The following DOCK6 variants were observed in gnomAD, a reference collection of about 807,000 sequenced individuals.
DOCK6 encodes dedicator of cytokinesis protein 6.
DOCK6 carries 167 observed loss-of-function variants against 230.3 expected under a neutral mutation model. The observed-to-expected ratio is 0.73, with a 90% CI of 0.64 to 0.82. The LOEUF is 0.82. Among genes scored for constraint, DOCK6 ranks in the 40% least tolerant of loss-of-function variants. The pLI is 0.00. For synonymous variants in DOCK6, 1,148 were observed against 1,185.0 expected, an observed-to-expected ratio of 0.97 and a Z score of 0.64; for missense variants, 2,598 against 2,825.8, an observed-to-expected ratio of 0.92 and a Z score of 1.83.
chr19:11,206,802 G>T (rs1039157389), intron 39 of DOCK6, among the ~76,000 whole-genome samples: 2 of 150,640 alleles, frequency 1.3e-5, no homozygotes, highest in Non-Finnish European at 2.9e-5. Context: ...GTACTTGTGG[G>T]AGTGGTGGGA....
intron 33 of DOCK6, 56 bp downstream of exon 33, chr19:11,214,497 C>T (rs2079446855): frequency 1.2e-6 from 2 of 1,613,398 alleles, no homozygotes; most frequent in Non-Finnish European, 8.5e-7. Context: ...AGTCAGAGAC[C>T]ACAGGGCACT....
chr19:11,201,975 C>T lies in DOCK6; in HGVS notation c.5602G>A (p.Glu1868Lys), dbSNP rs201873244. The change falls in exon 44 of 48, where the codon GAG (glutamate) becomes AAG (lysine). Residue 1868 changes from glutamate to lysine, a missense_variant. Transcript: ENST00000294618. The surrounding 1 kb of genome is among the most constrained non-coding windows in gnomAD (Gnocchi z 4.3). The part of the protein sequence containing the change: ...PDGRAHGELP[E>K]QHKRKTLLST... ...AGCAGCGTCTTACGCTTGTGTTGCT[C>T]GGGCAGCTCCCCGTGTGCGCGCCCA... is the stretch of plus-strand genomic sequence containing the variant. 71 of 1,613,590 alleles carry T rather than the reference C, an allele frequency of 4.4e-5. No individual in the cohort carries two copies. The highest frequency in any genetic ancestry group is 2.5e-4 in the South Asian group (23 of 91,042).
intron 9 of DOCK6, 134 bp from the exon 10 acceptor site, chr19:11,244,016 T>G: frequency 1.1e-6 from 1 of 906,644 alleles, no homozygotes; most frequent in Non-Finnish European, 1.7e-6. Context: ...CTCCAACACC[T>G]CCCATGGCTC....
chr19:11,239,793 GT>G (rs1245822175), intron 14 of DOCK6: 1 of 1,609,094 alleles, frequency 6.2e-7, no homozygotes, highest in Non-Finnish European at 8.5e-7. Flanking sequence ...TCAACGGTGT[GT>G]ACAGGACCAC....
intron 24 of DOCK6, 101 bp from the exon 25 acceptor site, chr19:11,223,207 C>G (rs1299256778): frequency 9.4e-7 from 1 of 1,062,436 alleles, no homozygotes; most frequent in African/African-American, 1.6e-5. Context: ...AGCTGTATCA[C>G]TGCCCCAAAG....
intron 39 of DOCK6, among the ~76,000 whole-genome samples, chr19:11,206,888 G>A (rs1485746014): frequency 6.6e-6 from 1 of 151,606 alleles, no homozygotes; most frequent in Non-Finnish European, 1.5e-5. Context: ...CTGTCTGTCA[G>A]GCTGGAGTGC....
intron 13 of DOCK6, 119 bp from the exon 14 acceptor site, chr19:11,242,326 G>T: frequency 9.0e-7 from 1 of 1,110,202 alleles, no homozygotes; most frequent in Non-Finnish European, 1.2e-6. Context: ...TGGGGGCTGT[G>T]TCCCTCAGGC....
intron 1 of DOCK6, among the ~76,000 whole-genome samples, chr19:11,259,764 G>A (rs1344371628): frequency 6.6e-6 from 1 of 150,920 alleles, no homozygotes; most frequent in Non-Finnish European, 1.5e-5. Flanking sequence ...TGTATTTTTA[G>A]TAGAGACGGA....
At chr19:11,232,497 C>T (rs573500467) in intron 22 of DOCK6, among the ~76,000 whole-genome samples, 1 of 152,246 alleles carries the variant, frequency 6.6e-6, no homozygotes, top group African/African-American at 2.4e-5. Flanking sequence ...CATGCATACA[C>T]ACCCCTGTAA....
intron 21 of DOCK6, 63 bp from the exon 22 acceptor site, chr19:11,233,429 C>T: frequency 6.4e-7 from 1 of 1,559,218 alleles, no homozygotes; most frequent in Admixed American, 1.8e-5. Flanking sequence ...CCAGTCCCTT[C>T]CTACTCAGCT....
chr19:11,242,033 C>T lies in DOCK6; in HGVS notation c.1643+12G>A. 3.8e-6 allele frequency: 6 copies of T among 1,565,240 alleles called. No homozygotes were observed. Among genetic ancestry groups the T allele is most frequent in the Non-Finnish European group, 5.2e-6 (6 of 1,164,894 alleles). ...CCCATTCAAGTGCCCAGCTGGGCCCCAGAGGCCGTACCTGTAGCTGGTATG... is the reference window on the plus strand; with the variant it reads ...CCCATTCAAGTGCCCAGCTGGGCCCTAGAGGCCGTACCTGTAGCTGGTATG... On this transcript the variant is annotated intron_variant, in intron 14 of 47. Transcript: ENST00000294618.
intron 37 of DOCK6, 104 bp from the exon 38 acceptor site, chr19:11,209,207 C>T (rs2079319900): frequency 1.5e-6 from 2 of 1,342,452 alleles, no homozygotes; most frequent in Non-Finnish European, 2.0e-6. Flanking sequence ...ATGTCCGCCC[C>T]AAGGACCAGC....
At chr19:11,204,604 A>G (rs1022227696) in intron 39 of DOCK6, among the ~76,000 whole-genome samples, 2 of 151,968 alleles carry the variant, frequency 1.3e-5, no homozygotes, top group Admixed American at 6.6e-5. Flanking sequence ...TAGTGGTACA[A>G]TCATAGCTCA....
chr19:11,199,468 C>A lies in DOCK6; in HGVS notation c.*29G>T. The A allele has an allele frequency of 6.4e-7, 1 of 1,568,514 alleles. No homozygotes were observed. On this transcript the variant is annotated 3_prime_UTR_variant, in exon 48 of 48. Coordinates refer to ENST00000294618, the MANE Select transcript of DOCK6 (RefSeq NM_020812.4). ...ACAGCTGAGGCCCGGGTGCTGGTTC[C>A]TCTAGGTACAGCTTTGGTCCTTGTG... is the stretch of plus-strand genomic sequence containing the variant.
At chr19:11,245,345 C>T (rs566334229) in intron 9 of DOCK6, among the ~76,000 whole-genome samples, 1 of 152,270 alleles carries the variant, frequency 6.6e-6, no homozygotes, top group Admixed American at 6.5e-5. Context: ...CCCCAGGCTG[C>T]CCACGTATAG....
At position 11,203,876 on chromosome 19, in the gene DOCK6, A is replaced by G. The variant is rs2079212268; in HGVS notation, c.5235+205T>C. On this transcript the variant is annotated intron_variant, in intron 41 of 47. Coordinates refer to ENST00000294618, the MANE Select transcript of DOCK6 (RefSeq NM_020812.4). ...AGAGCTCCCAGCTGGGTGAGTCACA[A>G]GCTGCCCTCGAGATCTGGGGCGGGG... is the stretch of plus-strand genomic sequence containing the variant. 4 of 642,572 alleles carry G rather than the reference A, an allele frequency of 6.2e-6. No individual in the cohort carries two copies. The Admixed American group carries it at 9.3e-5, about 15-fold the overall frequency. 39.8% of individuals were successfully genotyped at this position (642,572 alleles called of 1,614,324 possible).
chr19:11,222,911 GGA>G lies in DOCK6; in HGVS notation c.3070-8_3070-7del. On this transcript the variant is annotated splice_region_variant and splice_polypyrimidine_tract_variant and intron_variant, in intron 25 of 47. Coordinates refer to ENST00000294618, the MANE Select transcript of DOCK6 (RefSeq NM_020812.4). The surrounding 1 kb of genome is among the most constrained non-coding windows in gnomAD (Gnocchi z 4.0). ...GACTGGAGCCGCGTGGCCACCTGCA[GGA>G]GAGGGGTGGCCATCAGTGATGTCAA... The G allele has an allele frequency of 6.2e-7, 1 of 1,611,166 alleles. No homozygotes were observed.
In DOCK6 at chr19:11,252,611, C is replaced by T. The variant is rs2080135861; in HGVS notation, c.309-61G>A. 6 of 1,609,086 alleles carry T rather than the reference C, an allele frequency of 3.7e-6. No individual in the cohort carries two copies. The Admixed American group carries it at 8.3e-5, about 22-fold the overall frequency. ...GGCCTCTGTGAATCCTTCTGCTAGC[C>T]TGTAAGGTTAGCACTGTCCTGCCTA... On this transcript the variant is annotated intron_variant, in intron 3 of 47. Transcript: ENST00000294618.
intron 39 of DOCK6, among the ~76,000 whole-genome samples, chr19:11,205,045 T>C (rs1395953401): frequency 6.6e-6 from 1 of 152,174 alleles, no homozygotes; most frequent in Non-Finnish European, 1.5e-5. Context: ...ATGACCTCCA[T>C]GCCCAACTGC....
Sources: gnomAD v4.1 joint callset for allele counts (sites outside exome capture counted in the v4.1 genomes callset) on GRCh38, gnomAD v4.1.1 for gene constraint, Gnocchi (gnomAD v3.1) non-coding constraint, MANE v1.5 for transcripts, NCBI Gene and HGNC (gene_info 2026-07-23, HGNC 2026-07-21) for gene names.